FBH1: variants seen among roughly 807,000 people sequenced by gnomAD.
FBH1 encodes the protein F-box DNA helicase 1.
Under a neutral mutation model 115.5 loss-of-function variants are expected in FBH1, and 43 were observed. The ratio of observed to expected loss-of-function variants is 0.37; its 90% confidence interval spans 0.29 to 0.48. FBH1 has a LOEUF of 0.48. Ranked by LOEUF, FBH1 falls within the 20% of genes least tolerant of loss-of-function variation. The pLI, the probability that FBH1 is intolerant of heterozygous loss-of-function variation, is 0.99. For synonymous variants in FBH1, 524 were observed against 507.8 expected, an observed-to-expected ratio of 1.03 and a Z score of -0.43; for missense variants, 1,001 against 1,337.3, an observed-to-expected ratio of 0.75 and a Z score of 3.92.
intron 1 of FBH1, 51 bp from the exon 2 acceptor site, chr10:5,902,969 C>T (rs780771778): frequency 3.7e-5 from 56 of 1,510,398 alleles, no homozygotes; most frequent in Admixed American, 5.9e-5. Flanking sequence ...CTTGTAGAAT[C>T]GGTGATAACT....
chr10:5,895,864 G>A lies in FBH1; in HGVS notation c.1+5518G>A, dbSNP rs942850228. 1.3e-5 allele frequency among the ~76,000 whole-genome samples: 2 copies of A among 152,272 alleles called. No homozygotes were observed. Among genetic ancestry groups the A allele is most frequent in the African/African-American group, 4.8e-5 (2 of 41,550 alleles). Reference sequence around the variant, plus strand: ...CCCATTGCATTGGCTGGCACCCAGCGGTAAGGCGACATCCACCTGCACGCA... The same window carrying A: ...CCCATTGCATTGGCTGGCACCCAGCAGTAAGGCGACATCCACCTGCACGCA... On this transcript the variant is annotated intron_variant, in intron 1 of 20. Transcript: ENST00000362091. The surrounding 1 kb of genome is among the most constrained non-coding windows in gnomAD (Gnocchi z 5.0).
At chr10:5,908,871 G>C in intron 3 of FBH1, 54 bp from the exon 4 acceptor site, 1 of 1,601,588 alleles carries the variant, frequency 6.2e-7, no homozygotes, top group Non-Finnish European at 8.5e-7. Context: ...TCATTAATCT[G>C]CTTTCTAATG....
At chr10:5,937,081 T>G in intron 20 of FBH1, 29 bp from the exon 21 acceptor site, 2 of 1,564,550 alleles carry the variant, frequency 1.3e-6, no homozygotes, top group Non-Finnish European at 1.7e-6. Context: ...GTTGTTCCCC[T>G]TAGCTCTCTC....
chr10:5,904,935 G>C (rs1843606843), intron 2 of FBH1, among the ~76,000 whole-genome samples: 1 of 152,082 alleles, frequency 6.6e-6, no homozygotes, highest in African/African-American at 2.4e-5. Context: ...CTTCCAAAGT[G>C]AATATTTTGG....
At chr10:5,893,800 A>G (rs1287396673) in intron 1 of FBH1, among the ~76,000 whole-genome samples, 15 of 152,248 alleles carry the variant, frequency 9.9e-5, no homozygotes, top group Admixed American at 9.8e-4. Context: ...AACACCAAGG[A>G]TACCATAAGA....
In FBH1 at chr10:5,932,859, A is replaced by C. The variant is rs1199128276; in HGVS notation, c.2830-3597A>C. Among the ~76,000 whole-genome samples, 1 of 152,052 alleles carries C rather than the reference A, an allele frequency of 6.6e-6. No individual in the cohort carries two copies. On this transcript the variant is annotated intron_variant, in intron 19 of 20. Coordinates refer to ENST00000362091, the MANE Select transcript of FBH1 (RefSeq NM_178150.3). The surrounding 1 kb of genome is among the most constrained non-coding windows in gnomAD (Gnocchi z 5.9). Reference sequence around the variant, plus strand: ...CAGCCTCCCGAGCAGCTGGGACTACAGGTGTGTGCCACCACACCTGGCTAA... The same window carrying C: ...CAGCCTCCCGAGCAGCTGGGACTACCGGTGTGTGCCACCACACCTGGCTAA...
At position 5,915,466 on chromosome 10, in the gene FBH1, ATG is replaced by A; in HGVS notation, c.1463_1464del (p.Val488AspfsTer57). ...AAGTGGTCTCAGAGCAGGTTTCTGT[ATG>A]TGACATTCAACAAGAGCATCGCAAA... On this transcript the variant is annotated frameshift_variant, in exon 9 of 21. Coordinates refer to ENST00000362091, the MANE Select transcript of FBH1 (RefSeq NM_178150.3). LOFTEE classifies it high-confidence loss of function. This position sits in a 1 kb window ranked among gnomAD's most constrained non-coding sequence, Gnocchi z 5.2. The A allele has an allele frequency of 6.2e-7, 1 of 1,614,186 alleles. No individual in the cohort carries two copies. The highest frequency in any genetic ancestry group is 1.1e-5 in the South Asian group (1 of 91,082).
Position 5,932,127 on chromosome 10 carries a change from A to G in FBH1, c.2830-4329A>G, listed in dbSNP as rs535883250. On this transcript the variant is annotated intron_variant, in intron 19 of 20. Transcript: ENST00000362091. The surrounding 1 kb of genome is among the most constrained non-coding windows in gnomAD (Gnocchi z 5.9). ...GTGCCACTGCACTCCAGCCTGGGTG[A>G]CAGAGTGAGACCCTGTCTCAAAAGA... Among the ~76,000 whole-genome samples, 3 of 152,350 alleles carry G rather than the reference A, an allele frequency of 2.0e-5. No individual in the cohort carries two copies. In the South Asian group the frequency reaches 6.2e-4, roughly 32 times the overall value.
upstream of FBH1, chr10:5,890,237 C>T (rs145906182): frequency 2.8e-6 from 1 of 358,650 alleles, no homozygotes; most frequent in Non-Finnish European, 5.2e-6. Context: ...GCGTCTCGGG[C>T]TCCAGGTCCC....
intron 1 of FBH1, among the ~76,000 whole-genome samples, chr10:5,890,744 C>T (rs111248081): frequency 6.6e-6 from 1 of 152,146 alleles, no homozygotes; most frequent in Non-Finnish European, 1.5e-5. Flanking sequence ...TTTCGCTGCC[C>T]TCTGCCCCTG....
At chr10:5,908,556 C>T (rs565841119) in intron 3 of FBH1, among the ~76,000 whole-genome samples, 3 of 151,778 alleles carry the variant, frequency 2.0e-5, no homozygotes, top group African/African-American at 7.2e-5. Flanking sequence ...TTGCTTTTCA[C>T]TGGTAAAAGG....
intron 1 of FBH1, among the ~76,000 whole-genome samples, chr10:5,892,681 C>G (rs1239563025): frequency 6.6e-6 from 1 of 152,226 alleles, no homozygotes; most frequent in Non-Finnish European, 1.5e-5. Context: ...CCCTCTCACT[C>G]CGGGGGAAAA....
rs371766916 is a variant in FBH1 at position 5,933,642 on chromosome 10, G to GT, written c.2830-2798dup. On this transcript the variant is annotated intron_variant, in intron 19 of 20. Transcript: ENST00000362091. The surrounding 1 kb of genome is among the most constrained non-coding windows in gnomAD (Gnocchi z 4.9). ...TTGTTAGAAGTGGAGGCACTCTGCT[G>GT]TTTTTTTTTTTTTTTTAAAAAACAG... Among the ~76,000 whole-genome samples the GT allele has an allele frequency of 0.01, 1,501 of 143,286 alleles. 13 individuals are homozygous for GT. Among genetic ancestry groups the GT allele is most frequent in the African/African-American group, 0.025 (990 of 39,610 alleles). The allele number at this position is 143,286 out of a possible 152,430, so 94.0% of individuals were successfully genotyped here. A position where few individuals can be genotyped will look rare whatever the true frequency, so the allele number is the denominator to read the frequency against.
chr10:5,930,452 A>G (rs886524241), intron 19 of FBH1, among the ~76,000 whole-genome samples: 1 of 152,170 alleles, frequency 6.6e-6, no homozygotes, highest in African/African-American at 2.4e-5. Context: ...TGGTTGTGTA[A>G]CTTGTTCTGC....
At chr10:5,890,651 G>A (rs1338628024) in intron 1 of FBH1, among the ~76,000 whole-genome samples, 1 of 152,120 alleles carries the variant, frequency 6.6e-6, no homozygotes, top group African/African-American at 2.4e-5. Context: ...GGGCTGAAGG[G>A]GCAAGCGCGG....
rs1831872213 is a variant in FBH1, at chr10:5,915,540, C to T, written c.1534C>T (p.His512Tyr). Residue 512 changes from histidine (H) to tyrosine (Y), a missense_variant, in exon 9 of 21, where the codon CAC (histidine) becomes TAC (tyrosine). By Grantham distance (83) the His-to-Tyr change is moderately conservative. Around this residue, in one of 4 missense-constraint regions of FBH1, gnomAD observed 521 missense variants for 811.0 expected, o/e 0.64. Coordinates refer to ENST00000362091, the MANE Select transcript of FBH1 (RefSeq NM_178150.3). This position sits in a 1 kb window ranked among gnomAD's most constrained non-coding sequence, Gnocchi z 5.2. ...CAGCAACGTCATCTGCAAAACCTTC[C>T]ACTCCATGGCCTACGGGCACATAGG... is the stretch of plus-strand genomic sequence containing the variant. ...FPSNVICKTF[H>Y]SMAYGHIGRK... 1 of 1,614,116 alleles carries T rather than the reference C, an allele frequency of 6.2e-7. No individual in the cohort carries two copies. Among genetic ancestry groups the T allele is most frequent in the African/African-American group, 1.3e-5 (1 of 74,940 alleles).
intron 19 of FBH1, chr10:5,929,901 T>C (rs531823314): frequency 6.6e-6 from 1 of 152,244 alleles, no homozygotes; most frequent in Non-Finnish European, 1.5e-5. Flanking sequence ...TAAGTACTTT[T>C]TTAGACCCTC....
Position 5,936,989 on chromosome 10 carries a change from A to G in FBH1, c.2962-121A>G, listed in dbSNP as rs1443560586. 2 of 1,180,762 alleles carry G rather than the reference A, an allele frequency of 1.7e-6. No homozygotes were observed. The highest frequency in any genetic ancestry group is 2.3e-6 in the Non-Finnish European group (2 of 854,920). 73.1% of individuals were successfully genotyped at this position (1,180,762 alleles called of 1,614,324 possible). A position where few individuals can be genotyped will look rare whatever the true frequency, so the allele number is the denominator to read the frequency against. ...ACTCTGAGGATGTGCACCCCTCTGAAAACATCAGAATCCAAATGCGTTGTC... is the reference window on the plus strand; with the variant it reads ...ACTCTGAGGATGTGCACCCCTCTGAGAACATCAGAATCCAAATGCGTTGTC... On this transcript the variant is annotated intron_variant, in intron 20 of 20. Coordinates refer to ENST00000362091, the MANE Select transcript of FBH1 (RefSeq NM_178150.3). This position sits in a 1 kb window ranked among gnomAD's most constrained non-coding sequence, Gnocchi z 5.6.
In FBH1 at chr10:5,932,008, A is replaced by G. The variant is rs150952156; in HGVS notation, c.2830-4448A>G. 7.4e-4 allele frequency among the ~76,000 whole-genome samples: 112 copies of G among 152,316 alleles called. No individual in the cohort carries two copies. The highest frequency in any genetic ancestry group is 3.4e-3 in the Middle Eastern group (1 of 294). On this transcript the variant is annotated intron_variant, in intron 19 of 20. Coordinates refer to ENST00000362091, the MANE Select transcript of FBH1 (RefSeq NM_178150.3). This position sits in a 1 kb window ranked among gnomAD's most constrained non-coding sequence, Gnocchi z 5.9. ...AAAAATACAGAAAAATTAGCTAGTC[A>G]TGGTGGTGCATACCTGTAGCCCCAG...
Sources: gnomAD v4.1 joint callset for allele counts (sites outside exome capture counted in the v4.1 genomes callset) on GRCh38, gnomAD v4.1.1 for gene constraint, gnomAD v4.1.1 regional missense constraint, Gnocchi (gnomAD v3.1) non-coding constraint, MANE v1.5 for transcripts, NCBI Gene and HGNC (gene_info 2026-07-23, HGNC 2026-07-21) for gene names.